EBF1: variants seen among roughly 807,000 people sequenced by gnomAD.
EBF1 encodes transcription factor COE1.
Under a neutral mutation model 68.4 loss-of-function variants are expected in EBF1, and 10 were observed. The observed-to-expected ratio is 0.15, with a 90% CI of 0.09 to 0.25. The LOEUF (loss-of-function observed/expected upper bound fraction) is 0.25. Ranked by LOEUF, EBF1 falls within the 10% of genes least tolerant of loss-of-function variation. The probability of loss-of-function intolerance (pLI) is 1.00; values close to 1 mark genes in which losing one functional copy is unlikely to be tolerated. For missense variants in EBF1, 509 were observed against 794.4 expected, an observed-to-expected ratio of 0.64 and a Z score of 4.32; for synonymous variants, 298 against 299.8, an observed-to-expected ratio of 0.99 and a Z score of 0.06.
At chr5:158,750,288 C>T (rs1768521605) in intron 10 of EBF1, among the ~76,000 whole-genome samples, 1 of 152,080 alleles carries the variant, frequency 6.6e-6, no homozygotes, top group African/African-American at 2.4e-5. Context: ...GTGGGGTTTA[C>T]TTGTGGTCCT....
At chr5:158,866,292 T>C (rs944398830) in intron 6 of EBF1, among the ~76,000 whole-genome samples, 4 of 152,274 alleles carry the variant, frequency 2.6e-5, no homozygotes, top group African/African-American at 4.8e-5. Flanking sequence ...CCATGGTTTG[T>C]AACCCTAACT....
At chr5:159,095,769 A>C in intron 3 of EBF1, 94 bp from the exon 4 acceptor site, 6 of 1,312,178 alleles carry the variant, frequency 4.6e-6, no homozygotes, top group Non-Finnish European at 5.4e-6. Flanking sequence ...ATAACAACAA[A>C]ACCCCCACAC....
At chr5:158,935,803 C>T (rs1811888107) in intron 6 of EBF1, among the ~76,000 whole-genome samples, 1 of 152,172 alleles carries the variant, frequency 6.6e-6, no homozygotes, top group Admixed American at 6.5e-5. Context: ...GACAAACACC[C>T]ACTCTGTGCT....
intron 11 of EBF1, among the ~76,000 whole-genome samples, chr5:158,721,529 A>G (rs1345665612): frequency 6.6e-6 from 1 of 152,228 alleles, no homozygotes; most frequent in Non-Finnish European, 1.5e-5. Flanking sequence ...TAAATTAGCC[A>G]GAGTGTTATG....
chr5:158,814,657 C>T (rs1032642632), intron 8 of EBF1, among the ~76,000 whole-genome samples: 1 of 152,170 alleles, frequency 6.6e-6, no homozygotes, highest in Non-Finnish European at 1.5e-5. Context: ...TTTAACTCAT[C>T]ATCTCATCAT....
chr5:158,849,889 G>T (rs1221288993), intron 6 of EBF1, among the ~76,000 whole-genome samples: 1 of 152,212 alleles, frequency 6.6e-6, no homozygotes, highest in Admixed American at 6.5e-5. Flanking sequence ...AGGAACTAAA[G>T]ATTACGAGTG....
At chr5:158,738,813 A>G (rs1469953865) in intron 10 of EBF1, among the ~76,000 whole-genome samples, 1 of 152,226 alleles carries the variant, frequency 6.6e-6, no homozygotes, top group African/African-American at 2.4e-5. Flanking sequence ...CACATTAACA[A>G]GTCCTGATAC....
chr5:158,714,801 A>C (rs945692520), intron 11 of EBF1, among the ~76,000 whole-genome samples: 2 of 152,182 alleles, frequency 1.3e-5, no homozygotes, highest in African/African-American at 4.8e-5. Flanking sequence ...CATTACTGGC[A>C]GTATCTATTT....
chr5:158,907,585 T>G (rs1473055361), intron 6 of EBF1, among the ~76,000 whole-genome samples: 1 of 152,136 alleles, frequency 6.6e-6, no homozygotes, highest in Non-Finnish European at 1.5e-5. Context: ...ACCAAAACCT[T>G]CCTATTCTCA....
intron 6 of EBF1, among the ~76,000 whole-genome samples, chr5:158,875,717 T>C (rs909399150): frequency 2.8e-4 from 42 of 152,240 alleles, no homozygotes; most frequent in Non-Finnish European, 7.3e-5. Flanking sequence ...GCAATGTACT[T>C]GTGCTATTTG....
At chr5:158,892,986 G>C (rs1801475342) in intron 6 of EBF1, among the ~76,000 whole-genome samples, 1 of 147,440 alleles carries the variant, frequency 6.8e-6, no homozygotes, top group Admixed American at 6.7e-5. Context: ...TTTCTTCTTT[G>C]CTGATCTTTT....
chr5:158,872,990 A>G (rs1797140647), intron 6 of EBF1, among the ~76,000 whole-genome samples: 1 of 142,428 alleles, frequency 7.0e-6, no homozygotes, highest in Non-Finnish European at 1.5e-5. Flanking sequence ...GTCAAGAATG[A>G]CACTAATTTT....
At chr5:159,061,989 C>G (rs530354689) in intron 6 of EBF1, among the ~76,000 whole-genome samples, 1 of 152,324 alleles carries the variant, frequency 6.6e-6, no homozygotes, top group African/African-American at 2.4e-5. Flanking sequence ...TGACATTCAG[C>G]TGAACCTACG....
chr5:158,966,969 CATA>C lies in EBF1; in HGVS notation c.554+106424_554+106426del, dbSNP rs773524313. Among the ~76,000 whole-genome samples, 12 of 152,262 alleles carry C rather than the reference CATA, an allele frequency of 7.9e-5. No homozygotes were observed. The East Asian group carries it at 1.2e-3, about 15-fold the overall frequency. ...AGATGTCAAGTATATGATAAAGGAA[CATA>C]ATGGGATGGTGCTGTTAATATGCTC... On this transcript the variant is annotated intron_variant, in intron 6 of 15. Coordinates refer to ENST00000313708, the MANE Select transcript of EBF1 (RefSeq NM_024007.5).
intron 5 of EBF1, among the ~76,000 whole-genome samples, chr5:159,077,159 G>A (rs1427599347): frequency 6.6e-6 from 1 of 152,224 alleles, no homozygotes; most frequent in African/African-American, 2.4e-5. Flanking sequence ...TCCCCTCTGG[G>A]CATGGTGGAT....
chr5:158,843,365 AGGG>A (rs1321564616), intron 6 of EBF1, among the ~76,000 whole-genome samples: 1 of 152,202 alleles, frequency 6.6e-6, no homozygotes, highest in Non-Finnish European at 1.5e-5. Context: ...CAGCTATGCC[AGGG>A]AGAAACAGAA....
chr5:158,935,488 A>G (rs949717798), intron 6 of EBF1, among the ~76,000 whole-genome samples: 4 of 152,200 alleles, frequency 2.6e-5, no homozygotes, highest in African/African-American at 9.6e-5. Flanking sequence ...CCCTATATCC[A>G]CTGCTGCAGA....
chr5:158,788,264 T>C (rs932363913), intron 9 of EBF1, among the ~76,000 whole-genome samples: 1 of 152,114 alleles, frequency 6.6e-6, no homozygotes, highest in African/African-American at 2.4e-5. Flanking sequence ...AAATATTCTA[T>C]ACCTGGAGTC....
intron 6 of EBF1, among the ~76,000 whole-genome samples, chr5:158,921,522 T>A (rs1808433653): frequency 6.6e-6 from 1 of 152,168 alleles, no homozygotes; most frequent in Admixed American, 6.6e-5. Flanking sequence ...ATTTTTGAGG[T>A]CAGCAGATAG....
Sources: gnomAD v4.1 joint callset for allele counts (sites outside exome capture counted in the v4.1 genomes callset) on GRCh38, gnomAD v4.1.1 for gene constraint, MANE v1.5 for transcripts, NCBI Gene and HGNC (gene_info 2026-07-23, HGNC 2026-07-21) for gene names.